The following PRDM12 variants were observed in gnomAD, a reference collection of about 807,000 sequenced individuals.
PRDM12 encodes the protein PR/SET domain 12.
PRDM12 carries 17 observed loss-of-function variants against 29.6 expected under a neutral mutation model. The observed-to-expected ratio is 0.57, with a 90% confidence interval of 0.39 to 0.86. The LOEUF (loss-of-function observed/expected upper bound fraction) is 0.86. Ranked by LOEUF, PRDM12 falls within the 40% of genes least tolerant of loss-of-function variation. The pLI is 0.00. For synonymous variants in PRDM12, 231 were observed against 225.8 expected, an observed-to-expected ratio of 1.02 and a Z score of -0.21; for missense variants, 422 against 510.8, an observed-to-expected ratio of 0.83 and a Z score of 1.68.
Position 130,681,383 on chromosome 9 carries a change from G to A in PRDM12, c.818G>A (p.Cys273Tyr), listed in dbSNP as rs772487193. ...CACACGCTGGACAAGCCCTTCGTGT[G>A]CCGCTTCTGCAACCGCCGCTTCAGC... ...RIHTLDKPFV[C>Y]RFCNRRFSQS... Residue 273 changes from cysteine (C) to tyrosine (Y), a missense_variant, in exon 5 of 5, where the codon TGC becomes TAC. Around this residue, in one of 5 missense-constraint regions of PRDM12, gnomAD observed 28 missense variants for 18.3 expected, o/e 1.53. Coordinates refer to ENST00000253008, the MANE Select transcript of PRDM12 (RefSeq NM_021619.3). The surrounding 1 kb of genome is among the most constrained non-coding windows in gnomAD (Gnocchi z 8.1). 1.3e-6 allele frequency: 2 copies of A among 1,592,632 alleles called. No individual in the cohort carries two copies. Among genetic ancestry groups the A allele is most frequent in the Admixed American group, 1.7e-5 (1 of 59,082 alleles).
At chr9:130,670,172 T>A (rs1830775128) in intron 3 of PRDM12, among the ~76,000 whole-genome samples, 1 of 152,134 alleles carries the variant, frequency 6.6e-6, no homozygotes, top group South Asian at 2.1e-4. Flanking sequence ...CCACCCCACT[T>A]CTCTGCTCCC....
chr9:130,666,535 C>T (rs1564244415), intron 1 of PRDM12, 73 bp from the exon 2 acceptor site: 7 of 1,552,594 alleles, frequency 4.5e-6, no homozygotes, highest in Non-Finnish European at 3.5e-6. Flanking sequence ...AAGCCGGGGT[C>T]CCGGCGGGGA....
At chr9:130,679,678 T>C (rs1830876368) in intron 4 of PRDM12, among the ~76,000 whole-genome samples, 1 of 151,964 alleles carries the variant, frequency 6.6e-6, no homozygotes, top group African/African-American at 2.4e-5. Flanking sequence ...AACTTATTTT[T>C]GAGACAGAGT....
chr9:130,666,474 G>T (rs1303114727), intron 1 of PRDM12, 134 bp from the exon 2 acceptor site: 2 of 1,157,236 alleles, frequency 1.7e-6, no homozygotes, highest in Admixed American at 3.2e-5. Context: ...CACCCGGGTG[G>T]CTTCTCTGGA....
chr9:130,673,928 C>T (rs7854051), intron 3 of PRDM12, among the ~76,000 whole-genome samples: 80,639 of 150,900 alleles, frequency 0.53, 22,266 homozygotes, highest in East Asian at 0.94. Flanking sequence ...ACCTTGGCCT[C>T]CCAAAGTGCT....
intron 3 of PRDM12, among the ~76,000 whole-genome samples, chr9:130,672,699 C>A (rs1391216932): frequency 6.6e-6 from 1 of 152,170 alleles, no homozygotes; most frequent in East Asian, 1.9e-4. Flanking sequence ...TGCTGGAACT[C>A]TATTAATTGG....
rs1830750130 is a variant in PRDM12 at position 130,668,106 on chromosome 9, G to T, written c.415-52G>T. Reference sequence around the variant, plus strand: ...TGTGTGTGGATGTGCCTGGAAGATGGTACACATGGCATAGCCCTGCCTTAC... The same window carrying T: ...TGTGTGTGGATGTGCCTGGAAGATGTTACACATGGCATAGCCCTGCCTTAC... On this transcript the variant is annotated intron_variant, in intron 2 of 4. Coordinates refer to ENST00000253008, the MANE Select transcript of PRDM12 (RefSeq NM_021619.3). The surrounding 1 kb of genome is among the most constrained non-coding windows in gnomAD (Gnocchi z 4.0). The T allele has an allele frequency of 2.5e-6, 4 of 1,597,664 alleles. No homozygotes were observed. The Admixed American group carries it at 6.7e-5, about 27-fold the overall frequency.
At chr9:130,680,730 G>A (rs1458917435) in intron 4 of PRDM12, among the ~76,000 whole-genome samples, 3 of 146,590 alleles carry the variant, frequency 2.0e-5, no homozygotes, top group Non-Finnish European at 4.5e-5. Flanking sequence ...AAACCGAGGC[G>A]CAGTTCCATG....
Position 130,681,578 on chromosome 9 carries a change from C to A in PRDM12, c.1013C>A (p.Pro338His). ...CTGCAGGCACACTCGCCCGCGCTGC[C>A]CGCCCCGCACGCGCACGCGCCCGCG... Reference protein sequence around the residue: ...TALQAHSPALPAPHAHAPALA... With the variant: ...TALQAHSPALHAPHAHAPALA... Residue 338 changes from proline (P) to histidine (H), a missense_variant, in exon 5 of 5, where the codon CCC (proline) becomes CAC (histidine). Pro to His is a moderately conservative substitution (Grantham distance 77). Coordinates refer to ENST00000253008, the MANE Select transcript of PRDM12 (RefSeq NM_021619.3). The surrounding 1 kb of genome is among the most constrained non-coding windows in gnomAD (Gnocchi z 8.1). 8.5e-7 allele frequency: 1 copy of A among 1,182,532 alleles called. No homozygotes were observed. The highest frequency in any genetic ancestry group is 1.0e-6 in the Non-Finnish European group (1 of 955,668). 73.3% of individuals were successfully genotyped at this position (1,182,532 alleles called of 1,614,324 possible).
intron 2 of PRDM12, among the ~76,000 whole-genome samples, chr9:130,667,389 G>A (rs1830743347): frequency 6.6e-6 from 1 of 152,138 alleles, no homozygotes; most frequent in Non-Finnish European, 1.5e-5. Context: ...TTCCATCCTA[G>A]GCCTTTCCAC....
chr9:130,665,025 TC>T, intron 1 of PRDM12, 149 bp downstream of exon 1: 1 of 823,362 alleles, frequency 1.2e-6, no homozygotes, highest in Non-Finnish European at 1.8e-6. Context: ...CACCTCAGTT[TC>T]CCCATGGGCC....
rs968896860 is a variant in PRDM12 at position 130,681,587 on chromosome 9, A to C, written c.1022A>C (p.His341Pro). ...QAHSPALPAP[H>P]AHAPALAAAA... ...CACTCGCCCGCGCTGCCCGCCCCGC[A>C]CGCGCACGCGCCCGCGCTCGCCGCC... Residue 341 changes from histidine (H) to proline (P), a missense_variant, in exon 5 of 5, where the codon CAC (histidine) becomes CCC (proline). Coordinates refer to ENST00000253008, the MANE Select transcript of PRDM12 (RefSeq NM_021619.3). The surrounding 1 kb of genome is among the most constrained non-coding windows in gnomAD (Gnocchi z 8.1). The C allele has an allele frequency of 9.8e-6, 11 of 1,122,742 alleles. No homozygotes were observed. The highest frequency in any genetic ancestry group is 1.7e-5 in the African/African-American group (1 of 59,690). The allele number at this position is 1,122,742 out of a possible 1,614,324, so 69.5% of individuals were successfully genotyped here.
At chr9:130,677,882 C>T (rs1028082934) in intron 3 of PRDM12, among the ~76,000 whole-genome samples, 6 of 152,118 alleles carry the variant, frequency 3.9e-5, no homozygotes, top group African/African-American at 1.4e-4. Flanking sequence ...CTGTCATTGA[C>T]CTAGGACGCG....
intron 3 of PRDM12, among the ~76,000 whole-genome samples, chr9:130,670,932 T>C (rs1056390465): frequency 2.0e-5 from 3 of 152,086 alleles, no homozygotes; most frequent in Non-Finnish European, 2.9e-5. Flanking sequence ...GAAACATGAA[T>C]AGACACTTAG....
In PRDM12 at chr9:130,668,639, C is replaced by G. The variant is rs1830757549; in HGVS notation, c.570+326C>G. Among the ~76,000 whole-genome samples, 1 of 152,156 alleles carries G rather than the reference C, an allele frequency of 6.6e-6. No individual in the cohort carries two copies. The highest frequency in any genetic ancestry group is 1.5e-5 in the Non-Finnish European group (1 of 68,034). On this transcript the variant is annotated intron_variant, in intron 3 of 4. Coordinates refer to ENST00000253008, the MANE Select transcript of PRDM12 (RefSeq NM_021619.3). The surrounding 1 kb of genome is among the most constrained non-coding windows in gnomAD (Gnocchi z 4.0). ...ACAGTTTCCTGAGGTTCAGGGGTCA[C>G]AGAGACACAGAGAAGCAAGATGGGG...
At chr9:130,670,855 C>T (rs1830782900) in intron 3 of PRDM12, among the ~76,000 whole-genome samples, 1 of 152,154 alleles carries the variant, frequency 6.6e-6, no homozygotes, top group Non-Finnish European at 1.5e-5. Flanking sequence ...CAGGCTGAGG[C>T]AGATGTGGGG....
Position 130,666,709 on chromosome 9 carries a change from A to G in PRDM12, c.325A>G (p.Lys109Glu). 1.2e-6 allele frequency: 2 copies of G among 1,613,516 alleles called. No homozygotes were observed. Among genetic ancestry groups the G allele is most frequent in the Non-Finnish European group, 1.7e-6 (2 of 1,179,876 alleles). The change falls in exon 2 of 5, where the codon AAG (lysine) becomes GAG (glutamate). Residue 109 changes from lysine (K) to glutamate (E), a missense_variant. By Grantham distance (56) the Lys-to-Glu change is moderately conservative. Around this residue, in one of 5 missense-constraint regions of PRDM12, gnomAD observed 300 missense variants for 350.0 expected, o/e 0.86. Transcript: ENST00000253008. ...GLGIFSKTWI[K>E]AGTEMGPFTG... ...CGGCATCTTCTCCAAGACGTGGATCAAGGCGGGAACCGAGATGGGCCCCTT... is the reference window on the plus strand; with the variant it reads ...CGGCATCTTCTCCAAGACGTGGATCGAGGCGGGAACCGAGATGGGCCCCTT...
rs1009019428 is a variant in PRDM12 at position 130,682,389 on chromosome 9, C to T, written c.*720C>T. On this transcript the variant is annotated 3_prime_UTR_variant, in exon 5 of 5. Coordinates refer to ENST00000253008, the MANE Select transcript of PRDM12 (RefSeq NM_021619.3). This position sits in a 1 kb window ranked among gnomAD's most constrained non-coding sequence, Gnocchi z 4.2. The stretch of plus-strand genomic sequence containing the variant: ...TTGAGAGTGGAGGCACAATGGAAAT[C>T]CTCTGTGGGACCCCGAGCAAGACCC... 3 of 152,400 alleles carry T rather than the reference C, an allele frequency of 2.0e-5. No homozygotes were observed. The highest frequency in any genetic ancestry group is 2.9e-5 in the Non-Finnish European group (2 of 68,188). 9.4% of individuals were successfully genotyped at this position (152,400 alleles called of 1,614,324 possible). A position where few individuals can be genotyped will look rare whatever the true frequency, so the allele number is the denominator to read the frequency against.
intron 1 of PRDM12, among the ~76,000 whole-genome samples, chr9:130,665,593 C>T (rs537970744): frequency 1.2e-3 from 188 of 152,234 alleles, no homozygotes; most frequent in African/African-American, 4.1e-3. Context: ...GGGAATTCCT[C>T]GGCCCCTTTT....
Sources: allele counts gnomAD v4.1 joint callset (sites outside exome capture counted in the v4.1 genomes callset), GRCh38; gene constraint gnomAD v4.1.1; regional missense constraint gnomAD v4.1.1; non-coding constraint Gnocchi (gnomAD v3.1); transcripts MANE v1.5; gene names NCBI Gene and HGNC (gene_info 2026-07-23, HGNC 2026-07-21).